Variants in MYO1D observed in about 807,000 individuals in gnomAD.
MYO1D encodes myosin ID, also known as unconventional myosin-Id.
A neutral mutation model predicts 122.0 loss-of-function variants in MYO1D; 83 were observed. The observed-to-expected ratio is 0.68, with a 90% CI of 0.57 to 0.82. The LOEUF (loss-of-function observed/expected upper bound fraction) is 0.82, where lower values mean the gene tolerates loss of function less well. MYO1D is among the 40% of genes least tolerant of loss of function. The pLI is 0.00. For synonymous variants in MYO1D, 464 were observed against 446.9 expected (o/e 1.04, Z -0.48); for missense variants, 1,157 against 1,269.5 (o/e 0.91, Z 1.35).
At chr17:32,552,322 C>T (rs1478634133) in intron 21 of MYO1D, among the ~76,000 whole-genome samples, 1 of 152,126 alleles carries the variant, frequency 6.6e-6, no homozygotes, top group Non-Finnish European at 1.5e-5. Context: ...AATAATTGGC[C>T]CACCTGGGCC....
At chr17:32,693,591 CATAATT>C (rs1893274851) in intron 16 of MYO1D, among the ~76,000 whole-genome samples, 2 of 152,228 alleles carry the variant, frequency 1.3e-5, no homozygotes, top group Non-Finnish European at 2.9e-5. Flanking sequence ...CATCTCTTGG[CATAATT>C]ATATTTTAAA....
intron 12 of MYO1D, among the ~76,000 whole-genome samples, chr17:32,747,702 T>C (rs2089852226): frequency 6.6e-6 from 1 of 151,780 alleles, no homozygotes; most frequent in Non-Finnish European, 1.5e-5. Flanking sequence ...CCAGGCGTGG[T>C]GGTATGCGCC....
intron 16 of MYO1D, among the ~76,000 whole-genome samples, chr17:32,683,753 C>A (rs2088960789): frequency 6.6e-6 from 1 of 152,286 alleles, no homozygotes; most frequent in Admixed American, 6.5e-5. Flanking sequence ...GCAGGCAGGC[C>A]TCCTTGAACT....
chr17:32,541,580 A>G (rs1011870531), intron 21 of MYO1D, among the ~76,000 whole-genome samples: 3 of 152,234 alleles, frequency 2.0e-5, no homozygotes, highest in Non-Finnish European at 4.4e-5. Flanking sequence ...TGGTATGTGA[A>G]TTTATATCAC....
At chr17:32,798,712 G>A (rs2090437864) in intron 1 of MYO1D, among the ~76,000 whole-genome samples, 1 of 152,174 alleles carries the variant, frequency 6.6e-6, no homozygotes, top group Non-Finnish European at 1.5e-5. Context: ...GGGAAAGGGA[G>A]CTAAATTTGG....
At chr17:32,773,180 G>A (rs1050556280) in intron 4 of MYO1D, among the ~76,000 whole-genome samples, 5 of 152,056 alleles carry the variant, frequency 3.3e-5, no homozygotes, top group African/African-American at 7.2e-5. Context: ...TCAGGTAAGC[G>A]GCCTCTTTTT....
At chr17:32,499,193 A>AAAAT (rs1909228948) in intron 21 of MYO1D, 1 of 152,186 alleles carries the variant, frequency 6.6e-6, no homozygotes, top group Non-Finnish European at 1.5e-5. Flanking sequence ...CCTCTCAAAC[A>AAAAT]AAATAAAACA....
intron 16 of MYO1D, among the ~76,000 whole-genome samples, chr17:32,666,397 G>A (rs1363434953): frequency 3.3e-5 from 5 of 152,120 alleles, no homozygotes; most frequent in African/African-American, 4.8e-5. Flanking sequence ...ATTTGTCCTC[G>A]TAGGTTTATC....
intron 16 of MYO1D, among the ~76,000 whole-genome samples, chr17:32,680,938 T>G (rs1473783625): frequency 6.6e-6 from 1 of 152,210 alleles, no homozygotes; most frequent in African/African-American, 2.4e-5. Flanking sequence ...ATCCTGTTAC[T>G]GGTCTATTCA....
chr17:32,714,704 A>C (rs2089420322), intron 15 of MYO1D, among the ~76,000 whole-genome samples: 1 of 152,238 alleles, frequency 6.6e-6, no homozygotes, highest in Non-Finnish European at 1.5e-5. Flanking sequence ...TGTAAAACCC[A>C]AAACCATAAA....
intron 21 of MYO1D, chr17:32,504,498 C>T (rs1442065950): frequency 1.3e-5 from 2 of 152,192 alleles, no homozygotes; most frequent in African/African-American, 4.8e-5. Flanking sequence ...GGGTCACTGA[C>T]CCTGGGTGGC....
chr17:32,689,288 C>G (rs1211752554), intron 16 of MYO1D, among the ~76,000 whole-genome samples: 1 of 152,016 alleles, frequency 6.6e-6, no homozygotes, highest in African/African-American at 2.4e-5. Context: ...TACTTGTCAC[C>G]AACATATTTT....
intron 1 of MYO1D, among the ~76,000 whole-genome samples, chr17:32,872,270 TTTTA>T (rs1445265836): frequency 6.6e-6 from 1 of 151,856 alleles, no homozygotes; most frequent in Admixed American, 6.6e-5. Flanking sequence ...CACAAGCAGG[TTTTA>T]TTTATTTATT....
At chr17:32,752,054 A>T (rs2089904282) in intron 11 of MYO1D, among the ~76,000 whole-genome samples, 1 of 152,250 alleles carries the variant, frequency 6.6e-6, no homozygotes, top group East Asian at 1.9e-4. Context: ...TAACCAAGAC[A>T]GCATGGCACT....
At chr17:32,639,894 A>T (rs1415093671) in intron 19 of MYO1D, among the ~76,000 whole-genome samples, 1 of 152,214 alleles carries the variant, frequency 6.6e-6, no homozygotes. Flanking sequence ...TATTTCTAAG[A>T]TGCAAACAAA....
intron 20 of MYO1D, among the ~76,000 whole-genome samples, chr17:32,605,713 C>T (rs1464205438): frequency 6.6e-6 from 1 of 152,150 alleles, no homozygotes; most frequent in African/African-American, 2.4e-5. Context: ...ATAGACCACA[C>T]AGACATTAAA....
At chr17:32,646,228 AC>A (rs952869651) in intron 19 of MYO1D, among the ~76,000 whole-genome samples, 6 of 152,308 alleles carry the variant, frequency 3.9e-5, no homozygotes, top group African/African-American at 1.4e-4. Flanking sequence ...CTTTTTCAGC[AC>A]CTACAAATAT....
At chr17:32,875,944 G>C (rs188897203) in intron 1 of MYO1D, among the ~76,000 whole-genome samples, 20 of 152,224 alleles carry the variant, frequency 1.3e-4, no homozygotes, top group Admixed American at 1.2e-3. Flanking sequence ...CTCTATCAAG[G>C]GTGAAATAAT....
chr17:32,824,907 A>G (rs1212048646), intron 1 of MYO1D, among the ~76,000 whole-genome samples: 1 of 152,218 alleles, frequency 6.6e-6, no homozygotes, highest in Non-Finnish European at 1.5e-5. Context: ...GAGACACACT[A>G]AACTGCAATG....
Sources: gnomAD v4.1 joint callset for allele counts (sites outside exome capture counted in the v4.1 genomes callset) on GRCh38, gnomAD v4.1.1 for gene constraint, MANE v1.5 for transcripts, NCBI Gene and HGNC (gene_info 2026-07-23, HGNC 2026-07-21) for gene names.